Variants in PCDHGA4 observed in about 807,000 individuals in gnomAD.
The protein encoded by PCDHGA4 is protocadherin gamma-A4.
A neutral mutation model predicts 54.6 loss-of-function variants in PCDHGA4; 38 were observed. The observed-to-expected ratio is 0.70, with a 90% CI of 0.54 to 0.91. The LOEUF is 0.91. Ranked by LOEUF, PCDHGA4 falls within the 40% of genes least tolerant of loss-of-function variation. PCDHGA4 has a pLI of 0.00. For synonymous variants in PCDHGA4, 511 were observed against 512.9 expected (o/e 1.00, Z 0.05); for missense variants, 1,298 against 1,220.9 (o/e 1.06, Z -0.94).
chr5:141,497,032 T>C (rs1206131945), intron 2 of PCDHGA4, among the ~76,000 whole-genome samples: 1 of 151,652 alleles, frequency 6.6e-6, no homozygotes, highest in East Asian at 1.9e-4. Flanking sequence ...CGATTAAAAA[T>C]ACAAAAATTA....
intron 2 of PCDHGA4, among the ~76,000 whole-genome samples, chr5:141,501,528 A>G (rs1173385747): frequency 6.6e-6 from 1 of 151,978 alleles, no homozygotes; most frequent in Non-Finnish European, 1.5e-5. Context: ...GAAGCCCAGT[A>G]CGTTGTTGTG....
At chr5:141,360,777 T>G (rs555307283) in intron 1 of PCDHGA4, 1 of 1,613,966 alleles carries the variant, frequency 6.2e-7, no homozygotes, top group South Asian at 1.1e-5. Context: ...TCCTCACAGC[T>G]GTGGATGGCG....
In PCDHGA4 at chr5:141,486,403, T is replaced by C; in HGVS notation, c.2515-8404T>C. ...GGAACCAGTTCTCCCTGGTGACTGC[T>C]GGACCCTTGGATCGAGAGGCCAAAT... On this transcript the variant is annotated intron_variant, in intron 1 of 3. Coordinates refer to ENST00000571252, the MANE Select transcript of PCDHGA4 (RefSeq NM_018917.4). This position sits in a 1 kb window ranked among gnomAD's most constrained non-coding sequence, Gnocchi z 5.0. The C allele has an allele frequency of 6.2e-7, 1 of 1,614,212 alleles. No individual in the cohort carries two copies. Among genetic ancestry groups the C allele is most frequent in the Non-Finnish European group, 8.5e-7 (1 of 1,180,034 alleles).
intron 3 of PCDHGA4, among the ~76,000 whole-genome samples, chr5:141,505,861 C>A (rs115699706): frequency 0.034 from 5,102 of 152,242 alleles, 131 homozygotes; most frequent in Admixed American, 0.057. Flanking sequence ...GGGACAGGGA[C>A]CCCAAAGGGT....
intron 1 of PCDHGA4, chr5:141,366,272 G>A (rs749693337): frequency 6.2e-7 from 1 of 1,613,608 alleles, no homozygotes. Context: ...GGCCGTCGAA[G>A]ACCATGGCCA....
At chr5:141,428,091 T>C (rs769710543) in intron 1 of PCDHGA4, 2 of 1,609,000 alleles carry the variant, frequency 1.2e-6, no homozygotes, top group East Asian at 2.2e-5. Flanking sequence ...CGCTTGGCTG[T>C]CCTACCACGT....
chr5:141,361,008 T>C (rs1327006146), intron 1 of PCDHGA4: 4 of 1,613,330 alleles, frequency 2.5e-6, no homozygotes, highest in African/African-American at 1.3e-5. Flanking sequence ...TGAAACACTT[T>C]TTCAACTTAA....
intron 1 of PCDHGA4, chr5:141,374,742 C>A (rs1382250910): frequency 1.2e-6 from 2 of 1,611,728 alleles, no homozygotes; most frequent in African/African-American, 1.3e-5. Flanking sequence ...GGCGGCGACC[C>A]TGTCCGCTCA....
intron 1 of PCDHGA4, among the ~76,000 whole-genome samples, chr5:141,463,632 T>C (rs2099065676): frequency 6.6e-6 from 1 of 151,822 alleles, no homozygotes; most frequent in Admixed American, 6.6e-5. Flanking sequence ...GTATTTTGTT[T>C]AGTAGAGACG....
intron 1 of PCDHGA4, among the ~76,000 whole-genome samples, chr5:141,447,747 C>A (rs1164160677): frequency 2.0e-5 from 3 of 152,106 alleles, no homozygotes; most frequent in Non-Finnish European, 4.4e-5. Flanking sequence ...AAGAGTCTTG[C>A]ATGTGACTGT....
At chr5:141,498,919 C>T (rs897611505) in intron 2 of PCDHGA4, among the ~76,000 whole-genome samples, 34 of 122,310 alleles carry the variant, frequency 2.8e-4, no homozygotes, top group African/African-American at 3.4e-4. Flanking sequence ...GGTGACAGAG[C>T]GAGACTCCAT....
intron 1 of PCDHGA4, chr5:141,372,504 C>G: frequency 6.2e-7 from 1 of 1,614,052 alleles, no homozygotes; most frequent in South Asian, 1.1e-5. Flanking sequence ...AGTGCTCTTC[C>G]TCCTCGCGGT....
chr5:141,422,349 T>G, intron 1 of PCDHGA4: 1 of 1,554,722 alleles, frequency 6.4e-7, no homozygotes, highest in South Asian at 1.3e-5. Flanking sequence ...ATGTGCAAGA[T>G]CAAGATTCTG....
intron 1 of PCDHGA4, chr5:141,370,655 C>G (rs746541169): frequency 1.9e-6 from 3 of 1,613,826 alleles, no homozygotes; most frequent in Admixed American, 3.3e-5. Flanking sequence ...TACTTGTGAG[C>G]GACCGTATAG....
Position 141,388,955 on chromosome 5 carries a change from C to T in PCDHGA4, c.2514+31334C>T, listed in dbSNP as rs183330174. ...CTCTACCCAACCTAATTATGGAGGA[C>T]GCCGAGCTGGGAACACATATTGCTT... On this transcript the variant is annotated intron_variant, in intron 1 of 3. Transcript: ENST00000571252. 126 of 1,613,914 alleles carry T rather than the reference C, an allele frequency of 7.8e-5. 1 individual carries two copies. In the African/African-American group the frequency reaches 1.3e-3, roughly 17 times the overall value.
At chr5:141,381,826 C>CTTTTTTTTTTTTTTTT (rs770630741) in intron 1 of PCDHGA4, among the ~76,000 whole-genome samples, 8 of 74,282 alleles carry the variant, frequency 1.1e-4, no homozygotes, top group African/African-American at 1.9e-4. Flanking sequence ...CTTTCTTCTT[C>CTTTTTTTTTTTTTTTT]TTTTTTTTTT....
At chr5:141,389,910 C>A in intron 1 of PCDHGA4, 3 of 1,614,080 alleles carry the variant, frequency 1.9e-6, no homozygotes, top group Non-Finnish European at 2.5e-6. Flanking sequence ...TATCACTGAC[C>A]GCCCCGACCC....
chr5:141,364,966 C>T (rs1325168008), intron 1 of PCDHGA4: 1 of 1,613,938 alleles, frequency 6.2e-7, no homozygotes, highest in South Asian at 1.1e-5. Context: ...ACCTCCTCCT[C>T]ACAGCTTTAG....
intron 1 of PCDHGA4, among the ~76,000 whole-genome samples, chr5:141,462,029 G>A (rs535977332): frequency 6.6e-6 from 1 of 152,260 alleles, no homozygotes; most frequent in East Asian, 1.9e-4. Context: ...CTTCATGTTG[G>A]TCAGGCGGGT....
Sources: gnomAD v4.1 joint callset for allele counts (sites outside exome capture counted in the v4.1 genomes callset) on GRCh38, gnomAD v4.1.1 for gene constraint, Gnocchi (gnomAD v3.1) non-coding constraint, MANE v1.5 for transcripts, NCBI Gene and HGNC (gene_info 2026-07-23, HGNC 2026-07-21) for gene names.